The following CNTNAP4 variants were observed in gnomAD, a reference collection of about 807,000 sequenced individuals.
CNTNAP4 encodes the protein contactin associated protein family member 4.
A neutral mutation model predicts 148.4 loss-of-function variants in CNTNAP4; 98 were observed. The ratio of observed to expected loss-of-function variants is 0.66; its 90% CI spans 0.56 to 0.78. The LOEUF is 0.78. CNTNAP4 is among the 30% of genes least tolerant of loss of function. The pLI, the probability that CNTNAP4 is intolerant of heterozygous loss-of-function variation, is 0.00. For missense variants in CNTNAP4, 1,935 were observed against 1,565.6 expected (o/e 1.24, Z -3.98); for synonymous variants, 730 against 565.1 (o/e 1.29, Z -4.14).
intron 7 of CNTNAP4, among the ~76,000 whole-genome samples, chr16:76,450,910 C>T (rs531729195): frequency 2.0e-5 from 3 of 152,154 alleles, no homozygotes; most frequent in South Asian, 2.1e-4. Flanking sequence ...AGGGGAAGTG[C>T]GAGGATCAGA....
intron 3 of CNTNAP4, among the ~76,000 whole-genome samples, chr16:76,423,378 C>T (rs1032119273): frequency 9.2e-5 from 14 of 152,090 alleles, no homozygotes; most frequent in African/African-American, 2.9e-4. Flanking sequence ...GGACCCTCCC[C>T]ACAAATTTAG....
chr16:76,525,491 A>C (rs1207379825), intron 17 of CNTNAP4, among the ~76,000 whole-genome samples: 1 of 148,124 alleles, frequency 6.8e-6, no homozygotes, highest in Non-Finnish European at 1.5e-5. Context: ...ATATATAACT[A>C]TATATAGTTT....
chr16:76,324,995 AAACT>A (rs1376743955), intron 2 of CNTNAP4, among the ~76,000 whole-genome samples: 2 of 152,192 alleles, frequency 1.3e-5, no homozygotes, highest in African/African-American at 4.8e-5. Context: ...AGAAACTAGT[AAACT>A]AACTACTTGA....
intron 3 of CNTNAP4, among the ~76,000 whole-genome samples, chr16:76,367,105 A>T (rs567023011): frequency 6.6e-6 from 1 of 152,066 alleles, no homozygotes; most frequent in African/African-American, 2.4e-5. Flanking sequence ...ATGGTATAAG[A>T]ACACATGGGA....
At chr16:76,525,124 C>T (rs534461357) in intron 17 of CNTNAP4, among the ~76,000 whole-genome samples, 1 of 151,888 alleles carries the variant, frequency 6.6e-6, no homozygotes, top group Non-Finnish European at 1.5e-5. Context: ...GCTTGCAAGA[C>T]AAAATATTCA....
At chr16:76,469,250 T>C (rs1369556986) in intron 10 of CNTNAP4, among the ~76,000 whole-genome samples, 1 of 152,200 alleles carries the variant, frequency 6.6e-6, no homozygotes, top group African/African-American at 2.4e-5. Context: ...AAAGATGATA[T>C]GAAAAGAGAG....
intron 15 of CNTNAP4, among the ~76,000 whole-genome samples, chr16:76,501,121 A>G (rs1177121654): frequency 6.6e-6 from 1 of 152,198 alleles, no homozygotes; most frequent in Non-Finnish European, 1.5e-5. Flanking sequence ...TATACTCACC[A>G]TCTCTGATAT....
chr16:76,428,667 C>T (rs1222217953), intron 4 of CNTNAP4, among the ~76,000 whole-genome samples: 5 of 152,038 alleles, frequency 3.3e-5, no homozygotes, highest in African/African-American at 1.2e-4. Context: ...TCCATCTCTA[C>T]CATCAAACAT....
chr16:76,306,291 C>T (rs1272728491), intron 1 of CNTNAP4, among the ~76,000 whole-genome samples: 3 of 152,102 alleles, frequency 2.0e-5, no homozygotes, highest in East Asian at 1.9e-4. Flanking sequence ...ACTTTCATTT[C>T]GAAGCAGTTA....
At chr16:76,295,997 G>A (rs1959251439) in intron 1 of CNTNAP4, among the ~76,000 whole-genome samples, 1 of 152,020 alleles carries the variant, frequency 6.6e-6, no homozygotes, top group Non-Finnish European at 1.5e-5. Flanking sequence ...TACTGAATAA[G>A]AAATTTTAAG....
intron 2 of CNTNAP4, among the ~76,000 whole-genome samples, chr16:76,328,409 C>A (rs114489488): frequency 6.6e-6 from 1 of 152,100 alleles, no homozygotes; most frequent in Admixed American, 6.6e-5. Context: ...ACAAGGAAAG[C>A]CTGAAACGGT....
intron 2 of CNTNAP4, among the ~76,000 whole-genome samples, chr16:76,322,766 T>A (rs1421044353): frequency 1.3e-5 from 2 of 152,170 alleles, no homozygotes; most frequent in African/African-American, 4.8e-5. Context: ...ATAAAGGTAA[T>A]CTCAGAGAAT....
chr16:76,321,164 A>G (rs904733169), intron 2 of CNTNAP4, among the ~76,000 whole-genome samples: 1 of 152,198 alleles, frequency 6.6e-6, no homozygotes, highest in Admixed American at 6.5e-5. Context: ...TTGTTAAGCA[A>G]TGTTTTCCCA....
chr16:76,435,462 G>A (rs1707598054), intron 4 of CNTNAP4, among the ~76,000 whole-genome samples: 2 of 152,102 alleles, frequency 1.3e-5, no homozygotes, highest in African/African-American at 4.8e-5. Context: ...TGCCACCTCA[G>A]GATCCAGTTA....
intron 2 of CNTNAP4, among the ~76,000 whole-genome samples, chr16:76,342,105 C>T (rs1426922333): frequency 6.6e-6 from 1 of 152,116 alleles, no homozygotes; most frequent in African/African-American, 2.4e-5. Context: ...AAGCATCATC[C>T]CTCAAGAATC....
intron 2 of CNTNAP4, among the ~76,000 whole-genome samples, chr16:76,327,093 G>C (rs904809975): frequency 6.6e-6 from 1 of 152,176 alleles, no homozygotes. Context: ...TACATGTGCA[G>C]GTTTGTTACA....
At chr16:76,521,498 T>C (rs917245613) in intron 16 of CNTNAP4, among the ~76,000 whole-genome samples, 188 bp downstream of exon 16, 2 of 152,214 alleles carry the variant, frequency 1.3e-5, no homozygotes, top group African/African-American at 4.8e-5. Flanking sequence ...CATGTGATAA[T>C]TTGGGGAAAT....
chr16:76,530,959 C>G (rs571389508), intron 17 of CNTNAP4, among the ~76,000 whole-genome samples: 1 of 152,280 alleles, frequency 6.6e-6, no homozygotes, highest in Non-Finnish European at 1.5e-5. Flanking sequence ...GGTCCTGGGC[C>G]CAGCCTGCAT....
intron 15 of CNTNAP4, among the ~76,000 whole-genome samples, chr16:76,505,833 G>A (rs2082819317): frequency 2.1e-5 from 2 of 96,406 alleles, no homozygotes; most frequent in South Asian, 8.4e-4. Flanking sequence ...CTGGGAGCTC[G>A]AGGCTGCAGT....
Sources: gnomAD v4.1 joint callset for allele counts (sites outside exome capture counted in the v4.1 genomes callset) on GRCh38, gnomAD v4.1.1 for gene constraint, MANE v1.5 for transcripts, NCBI Gene and HGNC (gene_info 2026-07-23, HGNC 2026-07-21) for gene names.